The following KIF15 variants were observed in gnomAD, a reference collection of about 807,000 sequenced individuals.
The protein encoded by KIF15 is kinesin-like protein KIF15.
A neutral mutation model predicts 190.6 loss-of-function variants in KIF15; 140 were observed. That is an observed-to-expected ratio of 0.73 (90% confidence interval 0.64 to 0.84). KIF15 has a LOEUF of 0.84. KIF15 is among the 40% of genes least tolerant of loss of function. The pLI is 0.00. For missense variants in KIF15, 1,372 were observed against 1,584.4 expected (o/e 0.87, Z 2.28); for synonymous variants, 528 against 551.3 (o/e 0.96, Z 0.59).
At chr3:44,823,856 A>G (rs923517452) in intron 20 of KIF15, among the ~76,000 whole-genome samples, 1 of 152,184 alleles carries the variant, frequency 6.6e-6, no homozygotes, top group Non-Finnish European at 1.5e-5. Context: ...GCCATTTGAT[A>G]AGACCATTGG....
chr3:44,802,400 CA>C (rs1477165631), intron 13 of KIF15, among the ~76,000 whole-genome samples: 4 of 152,162 alleles, frequency 2.6e-5, no homozygotes, highest in African/African-American at 9.7e-5. Flanking sequence ...AATGAATATT[CA>C]AACTAATATG....
chr3:44,778,251 T>C, intron 4 of KIF15, 60 bp downstream of exon 4: 1 of 1,283,254 alleles, frequency 7.8e-7, no homozygotes, highest in Non-Finnish European at 1.1e-6. Flanking sequence ...CCTGTTGCTG[T>C]TGTAACAAAT....
At position 44,840,470 on chromosome 3, in the gene KIF15, AAAG is replaced by A. The variant is rs1370864040; in HGVS notation, c.3420+16_3420+18del. ...GAGGATCCCCAGGTACTTTTCAGAAAAAGATTATTTCAGGAGGAAGAAACAGTT... is the reference window on the plus strand; with the variant it reads ...GAGGATCCCCAGGTACTTTTCAGAAAATTATTTCAGGAGGAAGAAACAGTT... On this transcript the variant is annotated intron_variant, in intron 28 of 34. Transcript: ENST00000326047. The A allele has an allele frequency of 1.3e-6, 2 of 1,542,292 alleles. No homozygotes were observed. The highest frequency in any genetic ancestry group is 1.8e-5 in the Admixed American group (1 of 54,696).
chr3:44,777,269 A>T (rs1449842909), intron 3 of KIF15, among the ~76,000 whole-genome samples: 1 of 152,094 alleles, frequency 6.6e-6, no homozygotes, highest in Non-Finnish European at 1.5e-5. Flanking sequence ...AAGTGCTAGG[A>T]TTACAGGTGT....
chr3:44,787,864 G>GT (rs1459079605), intron 7 of KIF15, among the ~76,000 whole-genome samples: 1 of 150,702 alleles, frequency 6.6e-6, no homozygotes, highest in African/African-American at 2.4e-5. Context: ...TTTTTTATTT[G>GT]TTTTTTTGGA....
intron 3 of KIF15, among the ~76,000 whole-genome samples, chr3:44,777,628 T>A (rs1575582265): frequency 6.6e-6 from 1 of 152,114 alleles, no homozygotes; most frequent in Non-Finnish European, 1.5e-5. Context: ...GAGGCGGAAG[T>A]TTCAGTGAGC....
At chr3:44,770,195 TC>T (rs1025898390) in intron 1 of KIF15, among the ~76,000 whole-genome samples, 13 of 152,222 alleles carry the variant, frequency 8.5e-5, no homozygotes, top group Non-Finnish European at 1.8e-4. Flanking sequence ...CTCTCTCCAG[TC>T]CTCAGTTTTC....
intron 6 of KIF15, chr3:44,862,430 G>A (rs1459593973): frequency 6.5e-6 from 1 of 153,094 alleles, no homozygotes; most frequent in East Asian, 1.9e-4. Context: ...GGTTGGGCTA[G>A]TTCGCTCTCG....
Position 44,785,956 on chromosome 3 carries a change from C to T in KIF15, c.460-439C>T, listed in dbSNP as rs1019355264. On this transcript the variant is annotated intron_variant, in intron 6 of 34. Transcript: ENST00000326047. The stretch of plus-strand genomic sequence containing the variant: ...TAGTTATCAGCTGAGCACGGTGGCT[C>T]ACGCCTGTAATCCCAGCACTTTGGG... 3.3e-5 allele frequency among the ~76,000 whole-genome samples: 5 copies of T among 152,200 alleles called. No homozygotes were observed. The South Asian group carries it at 6.2e-4, about 19-fold the overall frequency.
At chr3:44,822,734 C>G (rs1000978939) in intron 20 of KIF15, among the ~76,000 whole-genome samples, 1 of 152,150 alleles carries the variant, frequency 6.6e-6, no homozygotes, top group African/African-American at 2.4e-5. Flanking sequence ...AACTTCTCTT[C>G]TCGCTTTATT....
chr3:44,773,196 G>GA (rs954364433), intron 1 of KIF15, among the ~76,000 whole-genome samples: 4 of 149,848 alleles, frequency 2.7e-5, no homozygotes, highest in East Asian at 2.0e-4. Context: ...GTGGAAAAAA[G>GA]AAAAAAAAAC....
At chr3:44,796,155 G>A (rs543636631) in intron 8 of KIF15, among the ~76,000 whole-genome samples, 12 of 152,266 alleles carry the variant, frequency 7.9e-5, no homozygotes, top group South Asian at 2.1e-4. Flanking sequence ...TAGCCACCAC[G>A]CCCAGCCTAA....
At chr3:44,814,123 A>G (rs1299996892) in intron 19 of KIF15, among the ~76,000 whole-genome samples, 1 of 152,220 alleles carries the variant, frequency 6.6e-6, no homozygotes, top group East Asian at 1.9e-4. Context: ...AGAGATAGCC[A>G]TTCTATTTTC....
intron 27 of KIF15, among the ~76,000 whole-genome samples, chr3:44,839,179 G>A (rs1040564646): frequency 6.6e-6 from 1 of 151,920 alleles, no homozygotes; most frequent in Non-Finnish European, 1.5e-5. Context: ...GACCATCCTG[G>A]CTTACACGGT....
chr3:44,769,126 G>A (rs1381660772), intron 1 of KIF15, among the ~76,000 whole-genome samples: 1 of 152,154 alleles, frequency 6.6e-6, no homozygotes, highest in Non-Finnish European at 1.5e-5. Flanking sequence ...TCGCAGTTTA[G>A]AGGATGGATC....
chr3:44,823,386 C>T (rs1273281545), intron 20 of KIF15, among the ~76,000 whole-genome samples: 2 of 152,160 alleles, frequency 1.3e-5, no homozygotes, highest in African/African-American at 2.4e-5. Context: ...CTGGAAGCTT[C>T]GTCCCAGAGG....
At chr3:44,805,647 T>C (rs72875749) in intron 15 of KIF15, among the ~76,000 whole-genome samples, 198 bp from the exon 16 acceptor site, 1,920 of 152,312 alleles carry the variant, frequency 0.013, 37 homozygotes, top group African/African-American at 0.043. Context: ...CCCTACCATT[T>C]ACTAGTTGAA....
At chr3:44,845,081 G>A (rs1436829521) in intron 30 of KIF15, among the ~76,000 whole-genome samples, 1 of 152,216 alleles carries the variant, frequency 6.6e-6, no homozygotes, top group Non-Finnish European at 1.5e-5. Context: ...AAAAAGAAGA[G>A]CTTTACTTTT....
chr3:44,854,223 A>G (rs1699155732), downstream of KIF15, among the ~76,000 whole-genome samples: 1 of 152,176 alleles, frequency 6.6e-6, no homozygotes, highest in Admixed American at 6.5e-5. Flanking sequence ...CATCTCTACT[A>G]AAAATACAAA....
Sources: allele counts gnomAD v4.1 joint callset (sites outside exome capture counted in the v4.1 genomes callset), GRCh38; gene constraint gnomAD v4.1.1; transcripts MANE v1.5; gene names NCBI Gene and HGNC (gene_info 2026-07-23, HGNC 2026-07-21).